PDZD2: variants seen among roughly 807,000 people sequenced by gnomAD.
PDZD2 encodes the protein PDZ domain containing 2.
In PDZD2, 90 loss-of-function variants were observed where a neutral mutation model predicts 220.7. That is an observed-to-expected ratio of 0.41 (90% CI 0.34 to 0.49). PDZD2 has a LOEUF of 0.49. Ranked by LOEUF, PDZD2 falls within the 20% of genes least tolerant of loss-of-function variation. The pLI, the probability that PDZD2 is intolerant of heterozygous loss-of-function variation, is 0.28. For missense variants in PDZD2, 3,174 were observed against 3,608.5 expected (o/e 0.88, Z 3.08); for synonymous variants, 1,375 against 1,450.5 (o/e 0.95, Z 1.18).
At chr5:31,654,582 A>G (rs984012548) in intron 1 of PDZD2, among the ~76,000 whole-genome samples, 5 of 151,906 alleles carry the variant, frequency 3.3e-5, no homozygotes, top group African/African-American at 1.2e-4. Context: ...GGTCATCTCA[A>G]ACTTTAACAT....
chr5:31,924,431 AC>A (rs1400437559), intron 2 of PDZD2, among the ~76,000 whole-genome samples: 5 of 152,146 alleles, frequency 3.3e-5, no homozygotes, highest in African/African-American at 1.2e-4. Context: ...AGAGTAAGAA[AC>A]CAGCTTTGAG....
chr5:31,953,776 C>T (rs780178389), intron 2 of PDZD2, among the ~76,000 whole-genome samples: 3 of 151,960 alleles, frequency 2.0e-5, no homozygotes, highest in African/African-American at 4.8e-5. Context: ...CTCAGCCTCC[C>T]GAGTAGCTGG....
chr5:31,694,773 GATTTT>G (rs1185671948), intron 1 of PDZD2, among the ~76,000 whole-genome samples: 11 of 128,036 alleles, frequency 8.6e-5, no homozygotes, highest in Admixed American at 4.0e-4. Context: ...TTACATCCTG[GATTTT>G]ATTTTATTTT....
At chr5:31,951,030 G>A (rs2111610985) in intron 2 of PDZD2, among the ~76,000 whole-genome samples, 1 of 152,158 alleles carries the variant, frequency 6.6e-6, no homozygotes, top group Admixed American at 6.6e-5. Flanking sequence ...CCTGCACATG[G>A]TGGAAGGGGC....
rs1281952222 is a variant in PDZD2, at chr5:31,639,157, G to A, written c.-641G>A. 6.6e-6 allele frequency among the ~76,000 whole-genome samples: 1 copy of A among 152,074 alleles called. No individual in the cohort carries two copies. Among genetic ancestry groups the A allele is most frequent in the Non-Finnish European group, 1.5e-5 (1 of 67,970 alleles). ...AGGCTCGGCGGATCCCCTGCGCAGC[G>A]AGGCGAGGAGCGGACCCCAGCGCCG... On this transcript the variant is annotated 5_prime_UTR_variant, in exon 1 of 25. Coordinates refer to ENST00000438447, the MANE Select transcript of PDZD2 (RefSeq NM_178140.4). The surrounding 1 kb of genome is among the most constrained non-coding windows in gnomAD (Gnocchi z 4.1).
chr5:32,054,430 C>T (rs1473418579), intron 10 of PDZD2, among the ~76,000 whole-genome samples: 1 of 146,190 alleles, frequency 6.8e-6, no homozygotes, highest in Non-Finnish European at 1.5e-5. Context: ...CTCAGGTGAT[C>T]CTCCCACCTC....
At chr5:31,847,535 G>A in intron 2 of PDZD2, 1 of 685,356 alleles carries the variant, frequency 1.5e-6, no homozygotes, top group Non-Finnish European at 2.6e-6. Flanking sequence ...TGTGAAGGTT[G>A]GCTGACAAAT....
chr5:31,962,106 T>C (rs1319355555), intron 2 of PDZD2, among the ~76,000 whole-genome samples: 1 of 152,228 alleles, frequency 6.6e-6, no homozygotes, highest in African/African-American at 2.4e-5. Flanking sequence ...CACACATTTG[T>C]TTTTTGAAGA....
Position 31,798,963 on chromosome 5 carries a change from C to G in PDZD2, c.-286C>G. On this transcript the variant is annotated 5_prime_UTR_variant, in exon 2 of 25. Coordinates refer to ENST00000438447, the MANE Select transcript of PDZD2 (RefSeq NM_178140.4). ...CCATTCCTGTGTCATTTGCATGGGT[C>G]CTGCTGTGAAATGAACCTGGCAGGG... 2.2e-6 allele frequency: 1 copy of G among 455,406 alleles called. No individual in the cohort carries two copies. Among genetic ancestry groups the G allele is most frequent in the South Asian group, 4.5e-5 (1 of 22,082 alleles). 28.2% of individuals were successfully genotyped at this position (455,406 alleles called of 1,614,324 possible).
chr5:31,914,695 C>A (rs1337949317), intron 2 of PDZD2, among the ~76,000 whole-genome samples: 1 of 152,162 alleles, frequency 6.6e-6, no homozygotes, highest in Non-Finnish European at 1.5e-5. Context: ...TTGCTAGTGC[C>A]ATTTTCTTAG....
At chr5:31,933,536 T>C (rs1464390524) in intron 2 of PDZD2, among the ~76,000 whole-genome samples, 2 of 152,150 alleles carry the variant, frequency 1.3e-5, no homozygotes, top group African/African-American at 2.4e-5. Context: ...TTTTAGCTTC[T>C]GGGAGAATCT....
chr5:31,701,727 G>C (rs572075402), intron 1 of PDZD2, among the ~76,000 whole-genome samples: 2 of 152,156 alleles, frequency 1.3e-5, no homozygotes, highest in Non-Finnish European at 2.9e-5. Context: ...CGCAACTCTG[G>C]TTTTCTCTCA....
chr5:31,817,157 G>A (rs1755514636), intron 2 of PDZD2, among the ~76,000 whole-genome samples: 1 of 137,624 alleles, frequency 7.3e-6, no homozygotes, highest in African/African-American at 2.8e-5. Context: ...CTGCACTCCA[G>A]CCTGGGCGAC....
At chr5:32,104,645 A>AGGAGGC (rs1561613080) in intron 24 of PDZD2, among the ~76,000 whole-genome samples, 1 of 140,182 alleles carries the variant, frequency 7.1e-6, no homozygotes, top group Non-Finnish European at 1.5e-5. Flanking sequence ...ACTTGAACCC[A>AGGAGGC]GGAGGCGGAG....
chr5:31,813,487 A>C, intron 2 of PDZD2, among the ~76,000 whole-genome samples: 1 of 151,040 alleles, frequency 6.6e-6, no homozygotes, highest in African/African-American at 2.4e-5. Flanking sequence ...CTAAATATTC[A>C]CAACGTGAAT....
chr5:32,070,201 A>G (rs763588716), intron 15 of PDZD2, among the ~76,000 whole-genome samples: 1 of 152,204 alleles, frequency 6.6e-6, no homozygotes, highest in Non-Finnish European at 1.5e-5. Context: ...TGGAAGCCTA[A>G]AGGGACTCTT....
At chr5:31,939,456 G>T (rs1746034058) in intron 2 of PDZD2, among the ~76,000 whole-genome samples, 1 of 152,180 alleles carries the variant, frequency 6.6e-6, no homozygotes, top group South Asian at 2.1e-4. Flanking sequence ...GTGCTGTGTG[G>T]CCAGATGCAG....
At chr5:31,737,798 GACT>G (rs1298497579) in intron 1 of PDZD2, among the ~76,000 whole-genome samples, 1 of 152,176 alleles carries the variant, frequency 6.6e-6, no homozygotes, top group Non-Finnish European at 1.5e-5. Flanking sequence ...ACTGTATCAT[GACT>G]ACTTAGAATG....
chr5:31,958,964 G>C (rs764444646), intron 2 of PDZD2, among the ~76,000 whole-genome samples: 1 of 151,296 alleles, frequency 6.6e-6, no homozygotes, highest in African/African-American at 2.4e-5. Context: ...ATGGAGTCTC[G>C]CTCTGTCACC....
Sources: allele counts gnomAD v4.1 joint callset (sites outside exome capture counted in the v4.1 genomes callset), GRCh38; gene constraint gnomAD v4.1.1; non-coding constraint Gnocchi (gnomAD v3.1); transcripts MANE v1.5; gene names NCBI Gene and HGNC (gene_info 2026-07-23, HGNC 2026-07-21).